Variants in CLPTM1 observed in about 807,000 individuals in gnomAD.
The protein encoded by CLPTM1 is CLPTM1 regulator of GABA type A receptor forward trafficking.
A neutral mutation model predicts 77.3 loss-of-function variants in CLPTM1; 21 were observed. The observed-to-expected ratio is 0.27, with a 90% CI of 0.19 to 0.39. CLPTM1 has a LOEUF of 0.39. Ranked by LOEUF, CLPTM1 falls within the 10% of genes least tolerant of loss-of-function variation. The pLI is 1.00. For synonymous variants in CLPTM1, 373 were observed against 381.0 expected (o/e 0.98, Z 0.24); for missense variants, 642 against 921.2 (o/e 0.70, Z 3.92).
At chr19:44,987,627 C>T in intron 8 of CLPTM1, 2 of 653,932 alleles carry the variant, frequency 3.1e-6, no homozygotes, top group Non-Finnish European at 5.2e-6. Flanking sequence ...GTCCTCTCCC[C>T]AGGCTGTTCT....
At chr19:44,985,148 G>A (rs1970957726) in intron 5 of CLPTM1, 70 bp from the exon 6 acceptor site, 2 of 1,091,902 alleles carry the variant, frequency 1.8e-6, no homozygotes, top group South Asian at 1.3e-5. Flanking sequence ...GGTGGGCAGG[G>A]GTCCGGGCTC....
intron 9 of CLPTM1, among the ~76,000 whole-genome samples, chr19:44,989,250 C>A (rs1470012724): frequency 6.6e-6 from 1 of 152,234 alleles, no homozygotes; most frequent in Admixed American, 6.5e-5. Flanking sequence ...GGTGCCGACC[C>A]CAGCCAGCCA....
chr19:44,965,678 G>T (rs945013853), intron 2 of CLPTM1, among the ~76,000 whole-genome samples: 1 of 152,122 alleles, frequency 6.6e-6, no homozygotes, highest in Non-Finnish European at 1.5e-5. Flanking sequence ...GCCAGGTGTG[G>T]TGGCGGGCGC....
At chr19:44,962,198 C>CTT (rs796138046) in intron 2 of CLPTM1, 123 bp downstream of exon 2, 221 of 370,632 alleles carry the variant, frequency 6.0e-4, no homozygotes, top group Middle Eastern at 7.5e-4. Context: ...TGCTTTTTTT[C>CTT]TTTTTTTTTT....
chr19:44,981,349 C>T (rs1272354684), intron 5 of CLPTM1, among the ~76,000 whole-genome samples: 1 of 151,954 alleles, frequency 6.6e-6, no homozygotes, highest in Admixed American at 6.6e-5. Context: ...CCATGTTGGT[C>T]AGGCTGGTCT....
At chr19:44,975,402 AT>A (rs1229045041) in intron 4 of CLPTM1, among the ~76,000 whole-genome samples, 1 of 152,180 alleles carries the variant, frequency 6.6e-6, no homozygotes, top group Non-Finnish European at 1.5e-5. Flanking sequence ...TAAAAGGGAC[AT>A]CTCTCTTTGG....
rs1971046811 is a variant in CLPTM1 at position 44,990,194 on chromosome 19, G to GC, written c.1133-201_1133-200insC. 1 of 590,234 alleles carries GC rather than the reference G, an allele frequency of 1.7e-6. No individual in the cohort carries two copies. Among genetic ancestry groups the GC allele is most frequent in the South Asian group, 2.1e-5 (1 of 46,858 alleles). 36.6% of individuals were successfully genotyped at this position (590,234 alleles called of 1,614,324 possible). A position where few individuals can be genotyped will look rare whatever the true frequency, so the allele number is the denominator to read the frequency against. ...GACGTCCTATGGGAGGGCTCCAGGG[G>GC]TGCCGCCTGTCTGGTGCTCTGGGGG... On this transcript the variant is annotated intron_variant, in intron 9 of 13. Transcript: ENST00000337392. The surrounding 1 kb of genome is among the most constrained non-coding windows in gnomAD (Gnocchi z 4.8).
At chr19:44,982,065 G>A (rs561600397) in intron 5 of CLPTM1, among the ~76,000 whole-genome samples, 1 of 151,918 alleles carries the variant, frequency 6.6e-6, no homozygotes, top group South Asian at 2.1e-4. Flanking sequence ...TCTAGTGTGT[G>A]TGACTGGGCA....
rs137883237 is a variant in CLPTM1, at chr19:44,961,214, C to CA, written c.73-748dup. Among the ~76,000 whole-genome samples the CA allele has an allele frequency of 4.9e-3, 752 of 152,324 alleles. 7 individuals are homozygous for CA. Among genetic ancestry groups the CA allele is most frequent in the South Asian group, 0.033 (160 of 4,832 alleles). Reference sequence around the variant, plus strand: ...TCAGGATTAGTGTGCTGTGTGCTGTCACAGACATGTCTTGTGGCCGTGGCT... The same window carrying CA: ...TCAGGATTAGTGTGCTGTGTGCTGTCAACAGACATGTCTTGTGGCCGTGGCT... On this transcript the variant is annotated intron_variant, in intron 1 of 13. Transcript: ENST00000337392.
chr19:44,961,122 A>G (rs1970536922), intron 1 of CLPTM1, among the ~76,000 whole-genome samples: 1 of 152,158 alleles, frequency 6.6e-6, no homozygotes, highest in South Asian at 2.1e-4. Context: ...GTGACCAGAC[A>G]AGTGGCTTCA....
At chr19:44,964,118 A>T (rs549481650) in intron 2 of CLPTM1, among the ~76,000 whole-genome samples, 3 of 151,758 alleles carry the variant, frequency 2.0e-5, no homozygotes, top group African/African-American at 7.3e-5. Context: ...ACTGTACTCC[A>T]GTCTGGGCAT....
At chr19:44,988,365 G>A (rs1167215685) in intron 9 of CLPTM1, among the ~76,000 whole-genome samples, 192 bp downstream of exon 9, 1 of 152,190 alleles carries the variant, frequency 6.6e-6, no homozygotes, top group African/African-American at 2.4e-5. Flanking sequence ...CCCACCCACC[G>A]GGTGTGGAGC....
intron 1 of CLPTM1, among the ~76,000 whole-genome samples, chr19:44,958,704 C>G (rs1034338118): frequency 6.6e-6 from 1 of 152,142 alleles, no homozygotes. Context: ...TAACGTTCAC[C>G]TGTTCTTAGG....
chr19:44,965,768 G>C (rs35929534), intron 2 of CLPTM1, among the ~76,000 whole-genome samples: 5,959 of 152,192 alleles, frequency 0.039, 267 homozygotes, highest in African/African-American at 0.11. Context: ...GAGCCCAGGT[G>C]GTGCCACTGC....
intron 3 of CLPTM1, among the ~76,000 whole-genome samples, chr19:44,973,681 A>G (rs1410620308): frequency 2.0e-5 from 3 of 151,004 alleles, no homozygotes; most frequent in Non-Finnish European, 2.9e-5. Context: ...AAGCATTTAG[A>G]TCTGTCAGTC....
intron 8 of CLPTM1, chr19:44,987,845 C>T (rs749492025): frequency 8.2e-5 from 48 of 588,570 alleles, no homozygotes; most frequent in Non-Finnish European, 1.3e-4. Context: ...TCACCCACTC[C>T]CCGCAGCACT....
rs999894801 is a variant in CLPTM1 at position 44,986,839 on chromosome 19, T to C, written c.793+264T>C. On this transcript the variant is annotated intron_variant, in intron 7 of 13. Transcript: ENST00000337392. The stretch of plus-strand genomic sequence containing the variant: ...GCCCACAAACTGTTTTCAAAAAATG[T>C]CTTATCACTTGCCAGCTTTTGAAAT... The C allele has an allele frequency of 2.6e-5, 14 of 535,934 alleles. No homozygotes were observed. The South Asian group carries it at 3.7e-4, about 14-fold the overall frequency. The allele number at this position is 535,934 out of a possible 1,614,324, so 33.2% of individuals were successfully genotyped here. A position where few individuals can be genotyped will look rare whatever the true frequency, so the allele number is the denominator to read the frequency against.
In CLPTM1 at chr19:44,991,088, G is replaced by A; in HGVS notation, c.1419+143G>A. On this transcript the variant is annotated intron_variant, in intron 11 of 13. Transcript: ENST00000337392. This position sits in a 1 kb window ranked among gnomAD's most constrained non-coding sequence, Gnocchi z 5.4. Reference sequence around the variant, plus strand: ...TCTGTGTCCCCCATCTGCCATAACTGCTTCCCTGGGCGAGTCCGGAGTCCC... The same window carrying A: ...TCTGTGTCCCCCATCTGCCATAACTACTTCCCTGGGCGAGTCCGGAGTCCC... 8.0e-7 allele frequency: 1 copy of A among 1,242,920 alleles called. No individual in the cohort carries two copies. The highest frequency in any genetic ancestry group is 1.1e-6 in the Non-Finnish European group (1 of 940,480). The allele number at this position is 1,242,920 out of a possible 1,614,324, so 77.0% of individuals were successfully genotyped here. A position where few individuals can be genotyped will look rare whatever the true frequency, so the allele number is the denominator to read the frequency against.
chr19:44,992,583 C>T lies in CLPTM1; in HGVS notation c.1724-28C>T, dbSNP rs1397790956. On this transcript the variant is annotated intron_variant, in intron 13 of 13. Transcript: ENST00000337392. This position sits in a 1 kb window ranked among gnomAD's most constrained non-coding sequence, Gnocchi z 7.7. ...CCTGGCTGTGGACGGGCCAGCCCGA[C>T]CTCACACTGCCTCCCACCCCTCTCC... The T allele has an allele frequency of 1.2e-6, 2 of 1,611,992 alleles. No individual in the cohort carries two copies. The highest frequency in any genetic ancestry group is 1.7e-6 in the Non-Finnish European group (2 of 1,179,142).
Sources: gnomAD v4.1 joint callset for allele counts (sites outside exome capture counted in the v4.1 genomes callset) on GRCh38, gnomAD v4.1.1 for gene constraint, Gnocchi (gnomAD v3.1) non-coding constraint, MANE v1.5 for transcripts, NCBI Gene and HGNC (gene_info 2026-07-23, HGNC 2026-07-21) for gene names.